SLC35D4: variants seen among roughly 807,000 people sequenced by gnomAD.
The protein encoded by SLC35D4 is solute carrier family 35 member D4.
the SLC35D4 span, among the ~76,000 whole-genome samples, chr18:23,243,304 A>G: frequency 2.8e-4 from 43 of 151,990 alleles, 2 homozygotes; most frequent in South Asian, 8.7e-3. Flanking sequence ...CTTCCCTATT[A>G]TTGTGGCACT....
chr18:23,248,261 C>G, the SLC35D4 span, among the ~76,000 whole-genome samples: 4 of 152,176 alleles, frequency 2.6e-5, no homozygotes, highest in Non-Finnish European at 5.9e-5. Context: ...ATCAGAAGCT[C>G]TTTCTCTGTC....
chr18:23,306,325 A>G, the SLC35D4 span, among the ~76,000 whole-genome samples: 2 of 150,512 alleles, frequency 1.3e-5, no homozygotes, highest in Non-Finnish European at 3.0e-5. Flanking sequence ...TTTTTTTTTG[A>G]GATGGAGTTT....
At chr18:23,303,910 A>G in the SLC35D4 span, among the ~76,000 whole-genome samples, 1 of 149,456 alleles carries the variant, frequency 6.7e-6, no homozygotes, top group African/African-American at 2.5e-5. Flanking sequence ...TCCAGGAAAA[A>G]AAAAAAAAAA....
At chr18:23,293,177 G>A in the SLC35D4 span, among the ~76,000 whole-genome samples, 7 of 152,220 alleles carry the variant, frequency 4.6e-5, no homozygotes, top group Non-Finnish European at 8.8e-5. Flanking sequence ...CTGGGAGGTA[G>A]AGGTTGCAGT....
the SLC35D4 span, among the ~76,000 whole-genome samples, chr18:23,430,264 G>A: frequency 2.7e-5 from 4 of 150,776 alleles, no homozygotes; most frequent in Admixed American, 1.3e-4. Flanking sequence ...TTTGTAGACA[G>A]TGTCTTGCTA....
chr18:23,312,321 C>CA, the SLC35D4 span, among the ~76,000 whole-genome samples: 433 of 151,332 alleles, frequency 2.9e-3, no homozygotes, highest in African/African-American at 9.5e-3. Context: ...CACCTTTTGC[C>CA]AAAAAAAACA....
the SLC35D4 span, among the ~76,000 whole-genome samples, chr18:23,418,963 G>A: frequency 5.9e-5 from 9 of 151,594 alleles, no homozygotes; most frequent in Non-Finnish European, 1.0e-4. Context: ...AGCTGAGATC[G>A]CGCCACTGCA....
the SLC35D4 span, among the ~76,000 whole-genome samples, chr18:23,324,234 G>A: frequency 6.6e-6 from 1 of 152,144 alleles, no homozygotes; most frequent in Admixed American, 6.5e-5. Context: ...CCAGGAGGGA[G>A]CTCTCACACG....
At chr18:23,245,289 C>T in the SLC35D4 span, among the ~76,000 whole-genome samples, 1 of 152,170 alleles carries the variant, frequency 6.6e-6, no homozygotes, top group African/African-American at 2.4e-5. Flanking sequence ...GGGCGGATCA[C>T]TTGAGGTCAG....
the SLC35D4 span, among the ~76,000 whole-genome samples, chr18:23,328,086 C>T: frequency 1.3e-5 from 2 of 152,334 alleles, no homozygotes; most frequent in East Asian, 3.9e-4. Context: ...GACAAACCTA[C>T]AGCCAATATC....
At chr18:23,378,195 CTTTCT>C in the SLC35D4 span, among the ~76,000 whole-genome samples, 221 of 150,804 alleles carry the variant, frequency 1.5e-3, no homozygotes, top group African/African-American at 5.2e-3. Context: ...CTCTTTCTTT[CTTTCT>C]TTTTTTTTTT....
At chr18:23,257,536 G>C in the SLC35D4 span, 1 of 685,636 alleles carries the variant, frequency 1.5e-6, no homozygotes, top group Non-Finnish European at 2.3e-6. Flanking sequence ...TCTTGGGTGT[G>C]TAGCCAAGAG....
the SLC35D4 span, among the ~76,000 whole-genome samples, chr18:23,304,266 G>C: frequency 9.8e-5 from 13 of 132,398 alleles, no homozygotes; most frequent in Non-Finnish European, 1.9e-4. Flanking sequence ...GACAGAGTGA[G>C]ACTCCGTATC....
the SLC35D4 span, among the ~76,000 whole-genome samples, chr18:23,427,355 A>G: frequency 2.6e-5 from 4 of 152,192 alleles, no homozygotes; most frequent in Non-Finnish European, 2.9e-5. Flanking sequence ...AAAAGTGGGC[A>G]AAGGATATGA....
the SLC35D4 span, among the ~76,000 whole-genome samples, chr18:23,245,845 C>T: frequency 6.6e-6 from 1 of 152,252 alleles, no homozygotes; most frequent in Non-Finnish European, 1.5e-5. Flanking sequence ...AATGAGCACC[C>T]TTGCAAAAAA....
At chr18:23,241,502 C>T in the SLC35D4 span, among the ~76,000 whole-genome samples, 2 of 152,262 alleles carry the variant, frequency 1.3e-5, no homozygotes, top group African/African-American at 4.8e-5. Flanking sequence ...TTCACTTCAG[C>T]CTGGGCGACA....
the SLC35D4 span, among the ~76,000 whole-genome samples, chr18:23,334,718 C>T: frequency 3.3e-5 from 5 of 151,994 alleles, no homozygotes; most frequent in Non-Finnish European, 2.9e-5. Flanking sequence ...GAAAAGGGGC[C>T]GGCCGGGCAC....
At chr18:23,327,537 C>A in the SLC35D4 span, among the ~76,000 whole-genome samples, 1 of 152,140 alleles carries the variant, frequency 6.6e-6, no homozygotes, top group African/African-American at 2.4e-5. Flanking sequence ...ATAACAGGCT[C>A]TGAAATTGAG....
chr18:23,354,167 C>T, the SLC35D4 span, among the ~76,000 whole-genome samples: 4 of 151,938 alleles, frequency 2.6e-5, no homozygotes, highest in East Asian at 3.9e-4. Context: ...CTGAGGAAGA[C>T]GTGAAGCTTC....
Sources: allele counts gnomAD v4.1 joint callset (sites outside exome capture counted in the v4.1 genomes callset), GRCh38; gene constraint gnomAD v4.1.1; transcripts MANE v1.5; gene names NCBI Gene and HGNC (gene_info 2026-07-23, HGNC 2026-07-21).